RPS6KA5: variants seen among roughly 807,000 people sequenced by gnomAD.
The protein encoded by RPS6KA5 is ribosomal protein S6 kinase alpha-5.
A neutral mutation model predicts 85.5 loss-of-function variants in RPS6KA5; 27 were observed. That is an observed-to-expected ratio of 0.32 (90% confidence interval 0.23 to 0.44). The LOEUF (loss-of-function observed/expected upper bound fraction) is 0.44. Ranked by LOEUF, RPS6KA5 falls within the 20% of genes least tolerant of loss-of-function variation. The pLI, the probability that RPS6KA5 is intolerant of heterozygous loss-of-function variation, is 1.00. For synonymous variants in RPS6KA5, 334 were observed against 348.2 expected (o/e 0.96, Z 0.46); for missense variants, 811 against 980.9 (o/e 0.83, Z 2.31).
rs1410690016 is a variant in RPS6KA5 at position 90,864,638 on chromosome 14, A to C, written c.*7436T>G. 2.0e-5 allele frequency: 3 copies of C among 152,228 alleles called. No individual in the cohort carries two copies. The highest frequency in any genetic ancestry group is 7.2e-5 in the African/African-American group (3 of 41,454). 9.4% of individuals were successfully genotyped at this position (152,228 alleles called of 1,614,324 possible). The stretch of plus-strand genomic sequence containing the variant: ...ACATTTATGGTAAAATATCAGACAA[A>C]AACCCTCATATCCATAAAATATAAA... On this transcript the variant is annotated 3_prime_UTR_variant, in exon 17 of 17. Transcript: ENST00000614987.
intron 1 of RPS6KA5, among the ~76,000 whole-genome samples, chr14:91,056,427 G>A (rs183979776): frequency 2.0e-5 from 3 of 152,294 alleles, no homozygotes; most frequent in East Asian, 1.9e-4. Context: ...CTGAGAAGGC[G>A]GCGGTGTCTT....
chr14:90,877,392 T>G (rs2033549240), intron 14 of RPS6KA5, among the ~76,000 whole-genome samples: 1 of 152,168 alleles, frequency 6.6e-6, no homozygotes, highest in Admixed American at 6.5e-5. Context: ...AGTGAGCCAG[T>G]CCACAGGCTG....
chr14:90,914,309 G>GTTTTTTTTTTTTT (rs10658805), intron 7 of RPS6KA5, among the ~76,000 whole-genome samples: 1 of 81,520 alleles, frequency 1.2e-5, no homozygotes, highest in Non-Finnish European at 2.2e-5. Flanking sequence ...GATCCCTAGG[G>GTTTTTTTTTTTTT]TTTTTTTTTT....
chr14:90,925,941 C>CAAAAAAAAAAAAAAAAAAAAAA (rs71117389), intron 5 of RPS6KA5, among the ~76,000 whole-genome samples: 2 of 73,528 alleles, frequency 2.7e-5, no homozygotes, highest in Non-Finnish European at 2.5e-5. Context: ...GACCCTGACT[C>CAAAAAAAAAAAAAAAAAAAAAA]AAAAAAAAAA....
chr14:90,946,664 G>T (rs1386621884), intron 4 of RPS6KA5, among the ~76,000 whole-genome samples: 2 of 152,142 alleles, frequency 1.3e-5, no homozygotes, highest in African/African-American at 4.8e-5. Context: ...GTGGCTTCAT[G>T]ATGTACCTGA....
intron 1 of RPS6KA5, among the ~76,000 whole-genome samples, chr14:91,043,512 C>T (rs1342354620): frequency 6.6e-6 from 1 of 152,112 alleles, no homozygotes; most frequent in Non-Finnish European, 1.5e-5. Context: ...CTGAACAAGC[C>T]GGTGAGCACA....
rs149889253 is a variant in RPS6KA5, at chr14:90,958,314, T to C, written c.395-10764A>G. Among the ~76,000 whole-genome samples, 29 of 152,320 alleles carry C rather than the reference T, an allele frequency of 1.9e-4. No homozygotes were observed. The East Asian group carries it at 5.0e-3, about 26-fold the overall frequency. On this transcript the variant is annotated intron_variant, in intron 3 of 16. Transcript: ENST00000614987. ...AGTTCAACTTAGGAGAACTGACATT[T>C]TTTAAATATTGCGTTTTCCAACCCA...
intron 2 of RPS6KA5, among the ~76,000 whole-genome samples, chr14:90,990,686 A>G (rs1259563274): frequency 6.6e-6 from 1 of 152,234 alleles, no homozygotes; most frequent in Non-Finnish European, 1.5e-5. Context: ...GTACATGTAC[A>G]CCACAGAATA....
chr14:90,973,361 T>C (rs2039410264), intron 3 of RPS6KA5, among the ~76,000 whole-genome samples: 1 of 151,718 alleles, frequency 6.6e-6, no homozygotes, highest in South Asian at 2.1e-4. Flanking sequence ...GAGAATCACT[T>C]GAACCCAGGA....
intron 2 of RPS6KA5, among the ~76,000 whole-genome samples, chr14:90,998,840 A>T (rs540753783): frequency 3.8e-4 from 58 of 152,324 alleles, no homozygotes; most frequent in African/African-American, 1.4e-3. Flanking sequence ...GGCATGCTAA[A>T]CTACTCAGGG....
intron 5 of RPS6KA5, among the ~76,000 whole-genome samples, chr14:90,931,309 A>G (rs1166803752): frequency 6.6e-6 from 1 of 152,176 alleles, no homozygotes; most frequent in Non-Finnish European, 1.5e-5. Flanking sequence ...GTACAACTCC[A>G]CTGACATGGG....
At chr14:90,913,723 G>A (rs1368559865) in intron 7 of RPS6KA5, among the ~76,000 whole-genome samples, 1 of 152,106 alleles carries the variant, frequency 6.6e-6, no homozygotes, top group African/African-American at 2.4e-5. Flanking sequence ...ATCATTCCAT[G>A]ATGGCCCTTA....
rs79849472 is a variant in RPS6KA5, at chr14:90,882,572, A to C, written c.1837-7212T>G. Among the ~76,000 whole-genome samples, 96 of 152,310 alleles carry C rather than the reference A, an allele frequency of 6.3e-4. No homozygotes were observed. In the East Asian group the frequency reaches 0.018, roughly 28 times the overall value. ...TACAGAGCGGCGTTAGTGGTAATGA[A>C]GTAATGAACTCCCTCAGCTTCTTAC... is the stretch of plus-strand genomic sequence containing the variant. On this transcript the variant is annotated intron_variant, in intron 14 of 16. Transcript: ENST00000614987.
At chr14:90,986,924 G>C (rs913092281) in intron 2 of RPS6KA5, among the ~76,000 whole-genome samples, 1 of 152,182 alleles carries the variant, frequency 6.6e-6, no homozygotes, top group Non-Finnish European at 1.5e-5. Flanking sequence ...TCCTGAGAGT[G>C]CTCCTGCAGT....
chr14:90,873,971 G>T (rs531406144), intron 15 of RPS6KA5, among the ~76,000 whole-genome samples, 176 bp from the exon 16 acceptor site: 2 of 152,294 alleles, frequency 1.3e-5, no homozygotes, highest in South Asian at 4.1e-4. Flanking sequence ...GAATGCTGGA[G>T]TCTAATGATA....
intron 3 of RPS6KA5, 128 bp from the exon 4 acceptor site, chr14:90,947,678 A>T: frequency 3.4e-6 from 2 of 596,988 alleles, no homozygotes; most frequent in Non-Finnish European, 5.9e-6. Context: ...AATTTAGCAT[A>T]CAGTATCATG....
At chr14:90,910,086 A>G (rs1041007833) in intron 7 of RPS6KA5, among the ~76,000 whole-genome samples, 1 of 149,280 alleles carries the variant, frequency 6.7e-6, no homozygotes, top group Non-Finnish European at 1.5e-5. Flanking sequence ...AAAAACTTGC[A>G]TTATTTAAAA....
rs2031995720 is a variant in RPS6KA5 at position 90,851,500 on chromosome 14, C to T, written c.*20574G>A. On this transcript the variant is annotated 3_prime_UTR_variant, in exon 17 of 17. Transcript: ENST00000614987. The stretch of plus-strand genomic sequence containing the variant: ...GAGACAGGGAGGCACAGGTTAACCC[C>T]ATTTTACAGATGAAGAAATGGAGGC... The T allele has an allele frequency of 6.6e-6, 1 of 152,150 alleles. No individual in the cohort carries two copies. The highest frequency in any genetic ancestry group is 1.9e-4 in the East Asian group (1 of 5,194). 9.4% of individuals were successfully genotyped at this position (152,150 alleles called of 1,614,324 possible). A position where few individuals can be genotyped will look rare whatever the true frequency, so the allele number is the denominator to read the frequency against.
intron 2 of RPS6KA5, among the ~76,000 whole-genome samples, chr14:90,983,787 TTCTCTC>T (rs770148887): frequency 0.024 from 3,114 of 129,318 alleles, 105 homozygotes; most frequent in African/African-American, 0.076. Context: ...CTTTCTTTCT[TTCTCTC>T]TCTCTCTCTC....
Sources: gnomAD v4.1 joint callset for allele counts (sites outside exome capture counted in the v4.1 genomes callset) on GRCh38, gnomAD v4.1.1 for gene constraint, MANE v1.5 for transcripts, NCBI Gene and HGNC (gene_info 2026-07-23, HGNC 2026-07-21) for gene names.